The following RANBP17 variants were observed in gnomAD, a reference collection of about 807,000 sequenced individuals.
RANBP17 encodes RAN binding protein 17, also known as ran-binding protein 17.
Under a neutral mutation model 141.2 loss-of-function variants are expected in RANBP17, and 158 were observed. The ratio of observed to expected loss-of-function variants is 1.12; its 90% confidence interval spans 0.98 to 1.28. The LOEUF (loss-of-function observed/expected upper bound fraction) is 1.28. Among genes scored for constraint, RANBP17 ranks in the 50% most tolerant of loss-of-function variants. The pLI is 0.00. For synonymous variants in RANBP17, 430 were observed against 450.0 expected, an observed-to-expected ratio of 0.96 and a Z score of 0.56; for missense variants, 1,438 against 1,290.7, an observed-to-expected ratio of 1.11 and a Z score of -1.75.
intron 14 of RANBP17, among the ~76,000 whole-genome samples, chr5:171,107,364 G>C (rs1314173453): frequency 6.6e-6 from 1 of 152,176 alleles, no homozygotes; most frequent in Non-Finnish European, 1.5e-5. Context: ...CTCTGTTCTA[G>C]AGCATCCCTA....
chr5:171,040,871 A>G (rs1162318041), intron 14 of RANBP17, among the ~76,000 whole-genome samples: 1 of 152,192 alleles, frequency 6.6e-6, no homozygotes, highest in Non-Finnish European at 1.5e-5. Flanking sequence ...GTTTTAGGAA[A>G]AATCATATTC....
chr5:171,112,297 T>G (rs1755292770), intron 14 of RANBP17, among the ~76,000 whole-genome samples: 4 of 152,256 alleles, frequency 2.6e-5, no homozygotes, highest in Middle Eastern at 6.8e-3. Context: ...CTTTGTTTCT[T>G]GCACTATCTG....
At chr5:171,100,896 G>A (rs1456522154) in intron 14 of RANBP17, among the ~76,000 whole-genome samples, 1 of 152,170 alleles carries the variant, frequency 6.6e-6, no homozygotes, top group East Asian at 1.9e-4. Flanking sequence ...CAGTTTCCAT[G>A]TAGTTGTGCA....
At chr5:171,152,253 A>G (rs1011827329) in intron 14 of RANBP17, among the ~76,000 whole-genome samples, 1 of 151,318 alleles carries the variant, frequency 6.6e-6, no homozygotes, top group Non-Finnish European at 1.5e-5. Context: ...TCTCTACTAA[A>G]AAAAAAAAAG....
intron 14 of RANBP17, among the ~76,000 whole-genome samples, chr5:171,035,852 C>A (rs536972786): frequency 4.0e-5 from 6 of 151,160 alleles, no homozygotes; most frequent in African/African-American, 1.5e-4. Context: ...ACACTACAAC[C>A]CGTTACCAAG....
chr5:171,232,820 A>G (rs1764284502), intron 22 of RANBP17, among the ~76,000 whole-genome samples: 1 of 152,198 alleles, frequency 6.6e-6, no homozygotes, highest in Admixed American at 6.5e-5. Context: ...CATCTTTTTA[A>G]ATAGCTGCAA....
intron 14 of RANBP17, among the ~76,000 whole-genome samples, chr5:171,143,786 A>G (rs1348376782): frequency 2.0e-5 from 3 of 152,228 alleles, no homozygotes; most frequent in Non-Finnish European, 4.4e-5. Flanking sequence ...CAAGAGAAGC[A>G]TCCTAAGAGA....
chr5:170,915,867 A>G (rs192224004), intron 8 of RANBP17, among the ~76,000 whole-genome samples: 1 of 152,134 alleles, frequency 6.6e-6, no homozygotes, highest in Non-Finnish European at 1.5e-5. Flanking sequence ...ATGGAACTAG[A>G]TATCATAAGC....
Position 171,277,637 on chromosome 5 carries a change from G to GTATGTATATGTATATA in RANBP17, c.2943+11793_2943+11794insGTATATGTATATATAT, listed in dbSNP as rs1554127913. On this transcript the variant is annotated intron_variant, in intron 25 of 27. Coordinates refer to ENST00000523189, the MANE Select transcript of RANBP17 (RefSeq NM_022897.5). ...GTGCCTTACGTATACATATATGTAT[G>GTATGTATATGTATATA]TATATATATATATATATATATATAT... 3.8e-3 allele frequency among the ~76,000 whole-genome samples: 217 copies of GTATGTATATGTATATA among 56,898 alleles called. 2 individuals carry two copies. Among genetic ancestry groups the GTATGTATATGTATATA allele is most frequent in the East Asian group, 6.1e-3 (7 of 1,140 alleles). 37.3% of individuals were successfully genotyped at this position (56,898 alleles called of 152,430 possible).
At chr5:171,162,282 A>G (rs981311994) in intron 14 of RANBP17, among the ~76,000 whole-genome samples, 1 of 151,860 alleles carries the variant, frequency 6.6e-6, no homozygotes, top group African/African-American at 2.4e-5. Flanking sequence ...ACAAATGTAC[A>G]CTCTCCATTT....
intron 14 of RANBP17, chr5:171,143,479 A>T (rs1188742505): frequency 6.6e-6 from 1 of 152,080 alleles, no homozygotes; most frequent in Non-Finnish European, 1.5e-5. Flanking sequence ...GTAAGCCCTT[A>T]TTTAAAGAAA....
intron 14 of RANBP17, among the ~76,000 whole-genome samples, chr5:170,969,005 C>T (rs747679394): frequency 6.6e-6 from 1 of 151,746 alleles, no homozygotes; most frequent in African/African-American, 2.4e-5. Flanking sequence ...ATAAGAAGTT[C>T]TAAGGATATT....
chr5:171,082,943 G>A (rs185807409), intron 14 of RANBP17, among the ~76,000 whole-genome samples: 31 of 150,726 alleles, frequency 2.1e-4, no homozygotes, highest in African/African-American at 6.3e-4. Context: ...GAAGAAAATC[G>A]TAGTTGCCTC....
chr5:170,863,045 G>A (rs558689396), intron 1 of RANBP17, among the ~76,000 whole-genome samples: 58 of 152,192 alleles, frequency 3.8e-4, no homozygotes, highest in Non-Finnish European at 7.6e-4. Flanking sequence ...ATTATTGAGC[G>A]CCTACTATGC....
At chr5:170,985,366 A>G (rs1019090785) in intron 14 of RANBP17, among the ~76,000 whole-genome samples, 5 of 152,282 alleles carry the variant, frequency 3.3e-5, no homozygotes, top group Non-Finnish European at 5.9e-5. Flanking sequence ...TTAAAAATAG[A>G]CCCATAAACA....
chr5:171,124,880 T>C (rs1189741026), intron 14 of RANBP17, among the ~76,000 whole-genome samples: 2 of 152,212 alleles, frequency 1.3e-5, no homozygotes, highest in Admixed American at 6.5e-5. Flanking sequence ...CAACCTTGAA[T>C]GTAAACTGTT....
At chr5:171,004,189 G>A (rs1020965464) in intron 14 of RANBP17, among the ~76,000 whole-genome samples, 14 of 152,066 alleles carry the variant, frequency 9.2e-5, no homozygotes, top group Admixed American at 2.0e-4. Context: ...AGTAATGGGC[G>A]TGTGATCGGT....
At chr5:170,930,951 T>G (rs983008404) in intron 12 of RANBP17, among the ~76,000 whole-genome samples, 3 of 152,108 alleles carry the variant, frequency 2.0e-5, no homozygotes, top group African/African-American at 7.2e-5. Context: ...GGGTCAAATG[T>G]TATTTCTAGT....
At chr5:170,877,972 A>G (rs769944232) in intron 1 of RANBP17, 125 bp from the exon 2 acceptor site, 16 of 565,170 alleles carry the variant, frequency 2.8e-5, no homozygotes, top group Non-Finnish European at 8.5e-6. Context: ...AAGTAGTTGT[A>G]TATCGATAAA....
Sources: gnomAD v4.1 joint callset for allele counts (sites outside exome capture counted in the v4.1 genomes callset) on GRCh38, gnomAD v4.1.1 for gene constraint, MANE v1.5 for transcripts, NCBI Gene and HGNC (gene_info 2026-07-23, HGNC 2026-07-21) for gene names.